The following ARMCX4 variants were observed in gnomAD, a reference collection of about 807,000 sequenced individuals.
The protein encoded by ARMCX4 is armadillo repeat containing X-linked 4.
Under a neutral mutation model 34.7 loss-of-function variants are expected in ARMCX4, and 3 were observed. That is an observed-to-expected ratio of 0.09 (90% CI 0.04 to 0.22). ARMCX4 has a LOEUF of 0.22. ARMCX4 is among the 10% of genes least tolerant of loss of function. The probability of loss-of-function intolerance (pLI) is 1.00; values close to 1 mark genes in which losing one functional copy is unlikely to be tolerated. For missense variants in ARMCX4, 1,448 were observed against 1,720.8 expected (o/e 0.84, Z 2.81); for synonymous variants, 513 against 632.8 (o/e 0.81, Z 2.84).
chrX:101,494,665 C>T lies in ARMCX4; in HGVS notation c.6076C>T (p.Arg2026Trp), dbSNP rs782297660. The T allele has an allele frequency of 2.7e-4, 308 of 1,154,017 alleles. 1 individual carries two copies. Among genetic ancestry groups the T allele is most frequent in the South Asian group, 4.4e-4 (23 of 52,533 alleles). ...ACAAACCAGGACTGGGGAAAAAACT[C>T]GGCCCTGGTCTTGCCGCTGTAAACA... Reference protein sequence around the residue: ...RKQTRTGEKTRPWSCRCKHEA... With the variant: ...RKQTRTGEKTWPWSCRCKHEA... The change falls in exon 6 of 6, where the codon CGG becomes TGG. Residue 2026 changes from arginine to tryptophan, a missense_variant. Around this residue, in one of 2 missense-constraint regions of ARMCX4, gnomAD observed 1,343 missense variants for 1,540.7 expected, o/e 0.87. Coordinates refer to ENST00000423738, the MANE Select transcript of ARMCX4 (RefSeq NM_001256155.3).
rs1267475530 is a variant in ARMCX4 at position 101,493,812 on chromosome X, C to T, written c.5223C>T (p.Ala1741=). 24 of 1,148,561 alleles carry T rather than the reference C, an allele frequency of 2.1e-5. No individual in the cohort carries two copies. Among genetic ancestry groups the T allele is most frequent in the East Asian group, 9.8e-5 (3 of 30,502 alleles). The allele number at this position is 1,148,561 out of a possible 1,213,427, so 94.7% of individuals were successfully genotyped here. Residue 1741 remains alanine (A), a synonymous_variant, in exon 6 of 6, where the codon GCC becomes GCT. Coordinates refer to ENST00000423738, the MANE Select transcript of ARMCX4 (RefSeq NM_001256155.3). ...TCTGGTTTGGGCCTGGAGCTGAGGC[C>T]GTTATAGGGTCTTGGTGCTGGACAG... ...EGFWFGPGAE[A]VIGSWCWTEE...
chrX:101,520,904 A>T (rs1228992249), intron 11 of ARMCX4, among the ~76,000 whole-genome samples: 3 of 105,863 alleles, frequency 2.8e-5, no homozygotes, highest in East Asian at 2.8e-4. Context: ...GTTTTTTTTT[A>T]AAAAAATTAT....
chrX:101,473,133 A>G (rs183333722), intron 4 of ARMCX4, among the ~76,000 whole-genome samples: 1,452 of 111,247 alleles, frequency 0.013, 26 homozygotes, highest in African/African-American at 0.045. Flanking sequence ...CAAATGGAAA[A>G]CAAAAAGAGG....
chrX:101,501,669 G>C (rs1027679953), intron 7 of ARMCX4, among the ~76,000 whole-genome samples: 5 of 112,391 alleles, frequency 4.4e-5, no homozygotes, highest in Non-Finnish European at 9.4e-5. Flanking sequence ...TGAAGGAATG[G>C]GTTTTTGGAA....
chrX:101,433,107 C>T (rs891529633), intron 2 of ARMCX4, among the ~76,000 whole-genome samples: 6 of 51,316 alleles, frequency 1.2e-4, no homozygotes, highest in African/African-American at 3.3e-4. Flanking sequence ...TACATACGCA[C>T]GTATACACAT....
chrX:101,452,142 C>T (rs372213444), downstream of ARMCX4, among the ~76,000 whole-genome samples: 16 of 111,836 alleles, frequency 1.4e-4, 3 homozygotes, highest in East Asian at 1.4e-3. Context: ...GGGTGTTATC[C>T]GATCTGAGTT....
chrX:101,530,875 T>A (rs1935114299), intron 11 of ARMCX4, among the ~76,000 whole-genome samples: 1 of 112,289 alleles, frequency 8.9e-6, no homozygotes, highest in Non-Finnish European at 1.9e-5. Context: ...ATGATAAATA[T>A]CTGAGTAAAT....
intron 8 of ARMCX4, among the ~76,000 whole-genome samples, chrX:101,505,885 A>G (rs1253284533): frequency 1.8e-5 from 2 of 111,973 alleles, no homozygotes; most frequent in Non-Finnish European, 3.8e-5. Context: ...CTTATTGCCC[A>G]GGCTGAAGTG....
At chrX:101,435,797 A>G (rs1432327549) in intron 2 of ARMCX4, among the ~76,000 whole-genome samples, 2 of 110,139 alleles carry the variant, frequency 1.8e-5, no homozygotes, top group African/African-American at 6.6e-5. Flanking sequence ...TAAGTCTTTA[A>G]TCCATCTTGA....
intron 11 of ARMCX4, among the ~76,000 whole-genome samples, chrX:101,521,371 T>C (rs1556019079): frequency 8.9e-6 from 1 of 111,835 alleles, no homozygotes; most frequent in African/African-American, 3.2e-5. Context: ...TAGTATTCCT[T>C]ATAACACTTC....
intron 4 of ARMCX4, among the ~76,000 whole-genome samples, chrX:101,466,878 A>G (rs1377564783): frequency 8.9e-6 from 1 of 112,035 alleles, no homozygotes; most frequent in Non-Finnish European, 1.9e-5. Flanking sequence ...TTATACACCA[A>G]TAAACCTGAT....
chrX:101,515,392 TCCCTCCCTCCCTCCCTCCCTCTC>T (rs1934701658), intron 11 of ARMCX4, among the ~76,000 whole-genome samples: 1 of 13,285 alleles, frequency 7.5e-5, no homozygotes, highest in Non-Finnish European at 1.6e-4. Flanking sequence ...TTTCTTTCTT[TCCCTCCCTCCCTCCCTCCCTCTC>T]TTCCTTCCTT....
intron 2 of ARMCX4, among the ~76,000 whole-genome samples, chrX:101,426,083 A>G (rs782236988): frequency 9.0e-6 from 1 of 111,359 alleles, no homozygotes; most frequent in East Asian, 2.8e-4. Context: ...TTAGCCTCCC[A>G]AAGTGCTGGG....
chrX:101,535,240 A>G (rs149366896), downstream of ARMCX4, among the ~76,000 whole-genome samples: 6 of 111,693 alleles, frequency 5.4e-5, no homozygotes, highest in East Asian at 1.7e-3. Context: ...CTAATATTTA[A>G]CCACAGGACA....
chrX:101,496,802 T>A (rs782142559), downstream of ARMCX4, among the ~76,000 whole-genome samples: 1 of 111,102 alleles, frequency 9.0e-6, no homozygotes, highest in East Asian at 2.8e-4. Flanking sequence ...CTGGTGGGAG[T>A]ATACACTGGT....
At chrX:101,454,433 G>A (rs1477589722) in intron 4 of ARMCX4, among the ~76,000 whole-genome samples, 4 of 107,749 alleles carry the variant, frequency 3.7e-5, no homozygotes, top group East Asian at 2.9e-4. Flanking sequence ...CTGCCACCAC[G>A]CCCAGCTATT....
At position 101,491,656 on chromosome X, in the gene ARMCX4, G is replaced by C; in HGVS notation, c.3067G>C (p.Gly1023Arg). Reference sequence around the variant, plus strand: ...TGTGCCTAAAGCAGGGACTGGGGCAGGCACAAGGCACTCTGCCCAGCCTCA... The same window carrying C: ...TGTGCCTAAAGCAGGGACTGGGGCACGCACAAGGCACTCTGCCCAGCCTCA... ...IAVPKAGTGA[G>R]TRHSAQPQIV... is the part of the protein sequence containing the mutation. Residue 1023 changes from glycine (G) to arginine (R), a missense_variant, in exon 6 of 6, where the codon GGC becomes CGC. By Grantham distance (125) the Gly-to-Arg change is moderately radical (BLOSUM62 -2). Transcript: ENST00000423738. The C allele has an allele frequency of 8.6e-7, 1 of 1,156,598 alleles. No homozygotes were observed. The highest frequency in any genetic ancestry group is 1.9e-5 in the South Asian group (1 of 52,805).
Position 101,488,030 on chromosome X carries a change from T to C in ARMCX4, c.-202-14T>C, listed in dbSNP as rs1342533999. 7.7e-5 allele frequency: 70 copies of C among 910,080 alleles called. No homozygotes were observed. The highest frequency in any genetic ancestry group is 1.0e-4 in the Non-Finnish European group (70 of 701,367). The allele number at this position is 910,080 out of a possible 1,213,427, so 75.0% of individuals were successfully genotyped here. On this transcript the variant is annotated splice_polypyrimidine_tract_variant and intron_variant, in intron 4 of 5. Transcript: ENST00000423738. ...TAGGTCCAGAGATCTCATGAATTTA[T>C]GTATCTACTTTAGGGTGTACTGCCA...
chrX:101,454,284 AT>A (rs1159821550), intron 4 of ARMCX4, among the ~76,000 whole-genome samples: 2 of 81,773 alleles, frequency 2.4e-5, no homozygotes, highest in Admixed American at 2.6e-4. Flanking sequence ...TTTTTTTTTT[AT>A]TTTTTTTTGA....
Sources: allele counts gnomAD v4.1 joint callset (sites outside exome capture counted in the v4.1 genomes callset), GRCh38; gene constraint gnomAD v4.1.1; regional missense constraint gnomAD v4.1.1; transcripts MANE v1.5; gene names NCBI Gene and HGNC (gene_info 2026-07-23, HGNC 2026-07-21).